The following DOCK1 variants were observed in gnomAD, a reference collection of about 807,000 sequenced individuals.
The protein encoded by DOCK1 is dedicator of cytokinesis 1.
DOCK1 carries 138 observed loss-of-function variants against 262.7 expected under a neutral mutation model. That is an observed-to-expected ratio of 0.53 (90% confidence interval 0.46 to 0.61). The LOEUF (loss-of-function observed/expected upper bound fraction) is 0.61. Among genes scored for constraint, DOCK1 ranks in the 20% least tolerant of loss-of-function variants. The probability of loss-of-function intolerance (pLI) is 0.00; values close to 1 mark genes in which losing one functional copy is unlikely to be tolerated. For missense variants in DOCK1, 1,908 were observed against 2,370.7 expected, an observed-to-expected ratio of 0.80 and a Z score of 4.05; for synonymous variants, 866 against 867.4, an observed-to-expected ratio of 1.00 and a Z score of 0.03.
chr10:127,101,101 C>T (rs527540631), intron 23 of DOCK1, among the ~76,000 whole-genome samples: 42 of 151,936 alleles, frequency 2.8e-4, no homozygotes, highest in Non-Finnish European at 5.0e-4. Flanking sequence ...GCAGGTGCCC[C>T]GAAAACCCAA....
At chr10:127,405,625 C>T (rs1348617699) in intron 40 of DOCK1, among the ~76,000 whole-genome samples, 2 of 152,210 alleles carry the variant, frequency 1.3e-5, no homozygotes, top group South Asian at 2.1e-4. Context: ...TCCGACTCCA[C>T]GGGAGTCACT....
intron 27 of DOCK1, among the ~76,000 whole-genome samples, chr10:127,197,399 T>C (rs900515648): frequency 1.3e-5 from 2 of 151,956 alleles, no homozygotes; most frequent in African/African-American, 2.4e-5. Flanking sequence ...CCAAAGAGTA[T>C]TGGGTGTTTT....
intron 27 of DOCK1, among the ~76,000 whole-genome samples, chr10:127,156,210 C>T (rs1176257333): frequency 6.6e-6 from 1 of 152,162 alleles, no homozygotes; most frequent in Non-Finnish European, 1.5e-5. Context: ...TTCCCAGTGC[C>T]TCACTTGCAT....
At chr10:127,282,795 C>T (rs971636429) in intron 29 of DOCK1, among the ~76,000 whole-genome samples, 3 of 152,174 alleles carry the variant, frequency 2.0e-5, no homozygotes, top group Admixed American at 6.5e-5. Context: ...TCTGCCTTGG[C>T]GACAACCAGT....
At chr10:126,941,536 C>T (rs1199668842) in intron 1 of DOCK1, among the ~76,000 whole-genome samples, 1 of 152,168 alleles carries the variant, frequency 6.6e-6, no homozygotes, top group East Asian at 1.9e-4. Context: ...GCGGGCGGAT[C>T]ACGAGGTCAG....
At chr10:127,144,213 C>T (rs1216785997) in intron 27 of DOCK1, among the ~76,000 whole-genome samples, 1 of 152,172 alleles carries the variant, frequency 6.6e-6, no homozygotes, top group Non-Finnish European at 1.5e-5. Flanking sequence ...CTGGCAAACT[C>T]CTTCTCAAAT....
At chr10:127,031,311 G>A (rs963411118) in intron 16 of DOCK1, among the ~76,000 whole-genome samples, 1 of 152,118 alleles carries the variant, frequency 6.6e-6, no homozygotes, top group Non-Finnish European at 1.5e-5. Context: ...TTCTAGTGTT[G>A]CGGGCTTTCC....
Position 127,110,232 on chromosome 10 carries a change from G to A in DOCK1, c.2517-16G>A. On this transcript the variant is annotated splice_polypyrimidine_tract_variant and intron_variant, in intron 24 of 51. Coordinates refer to ENST00000623213, the MANE Select transcript of DOCK1 (RefSeq NM_001290223.2). ...TATGTGTCTCAAAATTATTTCCCTT[G>A]TGTTTTTCCTCACAGCAAAATGTTT... 3 of 1,601,898 alleles carry A rather than the reference G, an allele frequency of 1.9e-6. No homozygotes were observed. Among genetic ancestry groups the A allele is most frequent in the Admixed American group, 1.7e-5 (1 of 58,850 alleles).
chr10:127,412,921 G>A (rs2067945686), intron 43 of DOCK1, among the ~76,000 whole-genome samples: 1 of 152,196 alleles, frequency 6.6e-6, no homozygotes, highest in Non-Finnish European at 1.5e-5. Context: ...ATTTGTTGGT[G>A]AACCCAGCAC....
chr10:126,958,297 T>TA (rs2036910785), intron 1 of DOCK1, among the ~76,000 whole-genome samples: 1 of 152,180 alleles, frequency 6.6e-6, no homozygotes, highest in Non-Finnish European at 1.5e-5. Flanking sequence ...TTTCTGTAGT[T>TA]AGAGATATTG....
At chr10:126,946,635 C>T (rs897967105) in intron 1 of DOCK1, among the ~76,000 whole-genome samples, 3 of 152,200 alleles carry the variant, frequency 2.0e-5, no homozygotes, top group Non-Finnish European at 4.4e-5. Context: ...AATTTGACTA[C>T]TCTAGGAGCC....
chr10:127,221,567 A>C (rs906595428), intron 27 of DOCK1, among the ~76,000 whole-genome samples: 1 of 152,154 alleles, frequency 6.6e-6, no homozygotes, highest in African/African-American at 2.4e-5. Context: ...ACATCCCTTC[A>C]GTGTCAGCTA....
At chr10:127,378,090 A>G (rs1366919428) in intron 35 of DOCK1, among the ~76,000 whole-genome samples, 1 of 152,090 alleles carries the variant, frequency 6.6e-6, no homozygotes, top group Non-Finnish European at 1.5e-5. Context: ...TTGGTCACTA[A>G]TGTTGCTGAG....
At chr10:127,009,045 T>C (rs2041236588) in intron 11 of DOCK1, among the ~76,000 whole-genome samples, 1 of 152,206 alleles carries the variant, frequency 6.6e-6, no homozygotes, top group African/African-American at 2.4e-5. Context: ...TGAATTGCCT[T>C]ATATAGAAGG....
chr10:127,441,755 C>T (rs2070165371), intron 49 of DOCK1, among the ~76,000 whole-genome samples: 1 of 151,702 alleles, frequency 6.6e-6, no homozygotes, highest in African/African-American at 2.4e-5. Flanking sequence ...TCCCCTGCAC[C>T]CCAGCTTCTG....
At chr10:127,268,196 A>G (rs573996056) in intron 29 of DOCK1, among the ~76,000 whole-genome samples, 2 of 152,144 alleles carry the variant, frequency 1.3e-5, no homozygotes, top group African/African-American at 2.4e-5. Context: ...CAGAGTCCAG[A>G]GTCTCAGTGA....
chr10:127,363,024 C>CACACGCACATCCCCACACACACACAT (rs2064671541), intron 33 of DOCK1, among the ~76,000 whole-genome samples: 1 of 75,526 alleles, frequency 1.3e-5, no homozygotes, highest in Non-Finnish European at 2.4e-5. Flanking sequence ...CACACACACA[C>CACACGCACATCCCCACACACACACAT]ACACATGCAC....
intron 1 of DOCK1, among the ~76,000 whole-genome samples, chr10:126,936,196 G>T (rs1474923088): frequency 6.6e-6 from 1 of 152,330 alleles, no homozygotes; most frequent in Non-Finnish European, 1.5e-5. Flanking sequence ...GCCCAGGCTG[G>T]TCTCAAATTC....
intron 29 of DOCK1, among the ~76,000 whole-genome samples, chr10:127,295,509 G>A (rs528190990): frequency 6.6e-6 from 1 of 151,966 alleles, no homozygotes; most frequent in Non-Finnish European, 1.5e-5. Context: ...AAACCATATC[G>A]CCCCCTCCCT....
Sources: allele counts gnomAD v4.1 joint callset (sites outside exome capture counted in the v4.1 genomes callset), GRCh38; gene constraint gnomAD v4.1.1; transcripts MANE v1.5; gene names NCBI Gene and HGNC (gene_info 2026-07-23, HGNC 2026-07-21).